The following ARF1 variants were observed in gnomAD, a reference collection of about 807,000 sequenced individuals.
ARF1 encodes ADP-ribosylation factor 1.
A neutral mutation model predicts 18.0 loss-of-function variants in ARF1; 1 was observed. The observed-to-expected ratio is 0.06, with a 90% CI of 0.02 to 0.26. The LOEUF (loss-of-function observed/expected upper bound fraction) is 0.26. ARF1 is among the 10% of genes least tolerant of loss of function. The probability of loss-of-function intolerance (pLI) is 1.00; values close to 1 mark genes in which losing one functional copy is unlikely to be tolerated. For missense variants in ARF1, 73 were observed against 247.2 expected (o/e 0.30, Z 4.73); for synonymous variants, 112 against 96.3 (o/e 1.16, Z -0.95).
At chr1:228,087,865 G>A (rs1330331096) in intron 1 of ARF1, among the ~76,000 whole-genome samples, 1 of 152,162 alleles carries the variant, frequency 6.6e-6, no homozygotes, top group Non-Finnish European at 1.5e-5. Flanking sequence ...TAAAAAGCAT[G>A]CAATTCCTTG....
rs1018445979 is a variant in ARF1 at position 228,098,160 on chromosome 1, C to G, written c.*147C>G. The G allele has an allele frequency of 1.0e-6, 1 of 952,528 alleles. No homozygotes were observed. Among genetic ancestry groups the G allele is most frequent in the Non-Finnish European group, 1.5e-6 (1 of 672,432 alleles). The allele number at this position is 952,528 out of a possible 1,614,324, so 59.0% of individuals were successfully genotyped here. ...CGTGCTGTAAATGTGGCAGACGCAG[C>G]CTGCGGCCAGGCTTTTTATTTAATG... On this transcript the variant is annotated 3_prime_UTR_variant, in exon 5 of 5. Transcript: ENST00000272102.
chr1:228,086,044 T>C (rs138021613), intron 1 of ARF1, among the ~76,000 whole-genome samples: 72 of 152,288 alleles, frequency 4.7e-4, no homozygotes, highest in Non-Finnish European at 9.7e-4. Flanking sequence ...CCTCCAATTT[T>C]CCCAGAGTGG....
Position 228,098,147 on chromosome 1 carries a change from G to A in ARF1, c.*134G>A. The A allele has an allele frequency of 9.0e-7, 1 of 1,109,494 alleles. No individual in the cohort carries two copies. The highest frequency in any genetic ancestry group is 2.0e-5 in the South Asian group (1 of 48,840). The allele number at this position is 1,109,494 out of a possible 1,614,324, so 68.7% of individuals were successfully genotyped here. On this transcript the variant is annotated 3_prime_UTR_variant, in exon 5 of 5. Transcript: ENST00000272102. ...GTGTGCATCGCACCGTGCTGTAAAT[G>A]TGGCAGACGCAGCCTGCGGCCAGGC...
At chr1:228,088,685 C>T (rs1368994437) in intron 1 of ARF1, among the ~76,000 whole-genome samples, 3 of 152,120 alleles carry the variant, frequency 2.0e-5, no homozygotes, top group Non-Finnish European at 4.4e-5. Flanking sequence ...ACATGGCTTG[C>T]CCTTGAGGTT....
chr1:228,098,065 G>GGC lies in ARF1; in HGVS notation c.*53_*54dup. 6.4e-7 allele frequency: 1 copy of GGC among 1,556,914 alleles called. No homozygotes were observed. The highest frequency in any genetic ancestry group is 1.2e-5 in the South Asian group (1 of 82,548). On this transcript the variant is annotated 3_prime_UTR_variant, in exon 5 of 5. Transcript: ENST00000272102. ...CTTGCCCTCTGCTTTACTCTCATGT[G>GGC]GCAAACGTGCGGCTCGTGGTGTGAG...
At chr1:228,092,402 C>T (rs1273326646) in intron 1 of ARF1, among the ~76,000 whole-genome samples, 2 of 152,158 alleles carry the variant, frequency 1.3e-5, no homozygotes, top group Admixed American at 6.5e-5. Context: ...GGGCTGTGAT[C>T]GAACCACTGA....
intron 1 of ARF1, among the ~76,000 whole-genome samples, chr1:228,094,801 G>T (rs1481006008): frequency 6.6e-6 from 1 of 152,174 alleles, no homozygotes; most frequent in East Asian, 1.9e-4. Flanking sequence ...TAGAATTAAA[G>T]GGTTTCGAAA....
chr1:228,088,141 C>G (rs1461565412), intron 1 of ARF1: 1 of 152,270 alleles, frequency 6.6e-6, no homozygotes, highest in African/African-American at 2.4e-5. Flanking sequence ...GAGTGCCACA[C>G]AGAGCTGCCC....
chr1:228,084,401 A>G (rs1041431195), intron 1 of ARF1, among the ~76,000 whole-genome samples: 30 of 152,380 alleles, frequency 2.0e-4, no homozygotes, highest in African/African-American at 6.0e-4. Context: ...TTGAAAATAA[A>G]TCCAAATCAC....
chr1:228,087,450 A>G (rs1222198373), intron 1 of ARF1, among the ~76,000 whole-genome samples: 2 of 152,306 alleles, frequency 1.3e-5, no homozygotes, highest in East Asian at 3.9e-4. Flanking sequence ...ATCTTCTGGC[A>G]ATTTTGGTGG....
chr1:228,085,352 G>A (rs368621046), intron 1 of ARF1, among the ~76,000 whole-genome samples: 1 of 152,212 alleles, frequency 6.6e-6, no homozygotes, highest in African/African-American at 2.4e-5. Flanking sequence ...CGCAGCTGCC[G>A]CACCGTCCAG....
chr1:228,084,332 A>G (rs1319471880), intron 1 of ARF1, among the ~76,000 whole-genome samples: 1 of 152,246 alleles, frequency 6.6e-6, no homozygotes, highest in African/African-American at 2.4e-5. Context: ...TGTGTTGTCC[A>G]TGTTTTCACA....
intron 1 of ARF1, among the ~76,000 whole-genome samples, chr1:228,095,678 A>C (rs2032720833): frequency 6.6e-6 from 1 of 152,188 alleles, no homozygotes; most frequent in Admixed American, 6.5e-5. Flanking sequence ...CAGGCGGTCC[A>C]GTTTTCTCTG....
At chr1:228,090,607 C>T (rs2032548480) in intron 1 of ARF1, 1 of 152,280 alleles carries the variant, frequency 6.6e-6, no homozygotes, top group Admixed American at 6.5e-5. Context: ...CCATCAGCCA[C>T]TGCACTGGGG....
chr1:228,092,655 G>A lies in ARF1; in HGVS notation c.-37-4423G>A, dbSNP rs190017241. 2.4e-4 allele frequency among the ~76,000 whole-genome samples: 36 copies of A among 152,314 alleles called. 1 individual carries two copies. The highest frequency in any genetic ancestry group is 8.4e-4 in the African/African-American group (35 of 41,576). ...CTGTTACATACACCAGCTCTGACAG[G>A]TTGGGGGAGATGATCAACCTTCCGC... On this transcript the variant is annotated intron_variant, in intron 1 of 4. Coordinates refer to ENST00000272102, the MANE Select transcript of ARF1 (RefSeq NM_001658.4).
intron 1 of ARF1, among the ~76,000 whole-genome samples, chr1:228,084,161 G>A (rs546662893): frequency 7.0e-4 from 107 of 152,316 alleles, no homozygotes; most frequent in African/African-American, 2.6e-3. Flanking sequence ...ACGTGTGACC[G>A]CATGGATGGT....
intron 1 of ARF1, among the ~76,000 whole-genome samples, chr1:228,086,931 G>T (rs759853357): frequency 1.3e-5 from 2 of 152,192 alleles, no homozygotes; most frequent in Non-Finnish European, 2.9e-5. Context: ...CACCTAGCTG[G>T]TGTCTGCTGC....
chr1:228,087,290 A>G (rs947555203), intron 1 of ARF1, among the ~76,000 whole-genome samples: 1 of 152,308 alleles, frequency 6.6e-6, no homozygotes, highest in South Asian at 2.1e-4. Context: ...TTAGGTACAA[A>G]TGGCCAAGAA....
intron 1 of ARF1, among the ~76,000 whole-genome samples, chr1:228,091,572 G>A (rs1450601698): frequency 6.6e-6 from 1 of 152,186 alleles, no homozygotes; most frequent in Non-Finnish European, 1.5e-5. Context: ...ACATGATTGG[G>A]TGCGTGGAGT....
Sources: allele counts gnomAD v4.1 joint callset (sites outside exome capture counted in the v4.1 genomes callset), GRCh38; gene constraint gnomAD v4.1.1; transcripts MANE v1.5; gene names NCBI Gene and HGNC (gene_info 2026-07-23, HGNC 2026-07-21).